ANTXR1: variants seen among roughly 807,000 people sequenced by gnomAD.
The protein encoded by ANTXR1 is ANTXR cell adhesion molecule 1.
Under a neutral mutation model 78.1 loss-of-function variants are expected in ANTXR1, and 19 were observed. The observed-to-expected ratio is 0.24, with a 90% CI of 0.17 to 0.36. The LOEUF is 0.36. ANTXR1 is among the 10% of genes least tolerant of loss of function. ANTXR1 has a pLI of 1.00. For synonymous variants in ANTXR1, 273 were observed against 260.5 expected, an observed-to-expected ratio of 1.05 and a Z score of -0.46; for missense variants, 518 against 718.6, an observed-to-expected ratio of 0.72 and a Z score of 3.19.
intron 8 of ANTXR1, among the ~76,000 whole-genome samples, chr2:69,086,198 C>T (rs970687222): frequency 1.6e-4 from 24 of 152,154 alleles, no homozygotes; most frequent in African/African-American, 5.3e-4. Flanking sequence ...AAAGAAATGC[C>T]GTGCCTATGA....
rs376359209 is a variant in ANTXR1 at position 69,090,876 on chromosome 2, C to T, written c.660C>T (p.Cys220=). 1 of 1,613,054 alleles carries T rather than the reference C, an allele frequency of 6.2e-7. No individual in the cohort carries two copies. Among genetic ancestry groups the T allele is most frequent in the Non-Finnish European group, 8.5e-7 (1 of 1,180,008 alleles). Residue 220 remains cysteine, a synonymous_variant, in exon 9 of 18, where the codon TGC becomes TGT. Coordinates refer to ENST00000303714, the MANE Select transcript of ANTXR1 (RefSeq NM_032208.3). Reference sequence around the variant, plus strand: ...CCTCCTAGATTTTGAAGAAGTCCTGCATCGAAATTCTAGCAGCTGAACCAT... The same window carrying T: ...CCTCCTAGATTTTGAAGAAGTCCTGTATCGAAATTCTAGCAGCTGAACCAT... ...GIIHSILKKS[C]IEILAAEPST...
intron 9 of ANTXR1, among the ~76,000 whole-genome samples, chr2:69,092,425 T>C (rs936714967): frequency 5.3e-5 from 8 of 152,258 alleles, no homozygotes; most frequent in Non-Finnish European, 1.0e-4. Flanking sequence ...TAACTAGTTA[T>C]GTACATACAT....
chr2:69,098,106 A>T (rs1671489045), intron 9 of ANTXR1, among the ~76,000 whole-genome samples: 1 of 152,162 alleles, frequency 6.6e-6, no homozygotes, highest in Admixed American at 6.5e-5. Flanking sequence ...GGCTGGGAGG[A>T]GAGATTACAA....
intron 10 of ANTXR1, among the ~76,000 whole-genome samples, chr2:69,121,947 A>T (rs1672360650): frequency 6.6e-6 from 1 of 152,206 alleles, no homozygotes; most frequent in African/African-American, 2.4e-5. Flanking sequence ...CATTAGAAGA[A>T]GCACAAGAAC....
chr2:69,065,228 A>G (rs1027513366), intron 3 of ANTXR1, among the ~76,000 whole-genome samples: 6 of 152,146 alleles, frequency 3.9e-5, no homozygotes, highest in Non-Finnish European at 8.8e-5. Flanking sequence ...GATCGAGACC[A>G]TCCTGGCTAA....
rs1047347207 is a variant in ANTXR1 at position 69,247,967 on chromosome 2, C to T, written c.*2482C>T. ...GGCTCAGCAGGATTTGTTCTTAAACCGACTCAGTGTGTCATCCCCGGTTAT... is the reference window on the plus strand; with the variant it reads ...GGCTCAGCAGGATTTGTTCTTAAACTGACTCAGTGTGTCATCCCCGGTTAT... On this transcript the variant is annotated 3_prime_UTR_variant, in exon 18 of 18. Transcript: ENST00000303714. 1 of 155,248 alleles carries T rather than the reference C, an allele frequency of 6.4e-6. No individual in the cohort carries two copies. Among genetic ancestry groups the T allele is most frequent in the East Asian group, 1.9e-4 (1 of 5,202 alleles). 9.6% of individuals were successfully genotyped at this position (155,248 alleles called of 1,614,324 possible).
At chr2:69,054,151 ATTT>A in intron 3 of ANTXR1, among the ~76,000 whole-genome samples, 1 of 147,034 alleles carries the variant, frequency 6.8e-6, no homozygotes, top group African/African-American at 2.7e-5. Context: ...TGAGAATTAC[ATTT>A]ATTATATGTA....
chr2:69,114,026 C>T (rs1490767618), intron 10 of ANTXR1, among the ~76,000 whole-genome samples: 2 of 152,174 alleles, frequency 1.3e-5, no homozygotes. Context: ...ACCCCATTAG[C>T]TTCATTTCAT....
chr2:69,064,100 A>C (rs939437678), intron 3 of ANTXR1, among the ~76,000 whole-genome samples: 9 of 152,208 alleles, frequency 5.9e-5, no homozygotes, highest in Admixed American at 2.0e-4. Context: ...ATATAAAATG[A>C]ACTAAAGATT....
chr2:69,077,286 G>A (rs1469849013), intron 7 of ANTXR1, 122 bp from the exon 8 acceptor site: 5 of 1,006,762 alleles, frequency 5.0e-6, no homozygotes, highest in South Asian at 2.6e-5. Flanking sequence ...CCCAGTGAAG[G>A]CCTCATATTC....
At chr2:69,223,364 C>T (rs1675367847) in intron 17 of ANTXR1, among the ~76,000 whole-genome samples, 1 of 152,206 alleles carries the variant, frequency 6.6e-6, no homozygotes. Context: ...CAGTCTTCCT[C>T]CCATTGTCTT....
At chr2:69,108,965 G>A (rs1048573657) in intron 10 of ANTXR1, among the ~76,000 whole-genome samples, 5 of 152,198 alleles carry the variant, frequency 3.3e-5, no homozygotes, top group Non-Finnish European at 5.9e-5. Context: ...TATAAAGCAA[G>A]TGTGAAGAGT....
intron 2 of ANTXR1, among the ~76,000 whole-genome samples, 166 bp downstream of exon 2, chr2:69,040,281 A>G (rs747746675): frequency 1.3e-5 from 2 of 152,240 alleles, no homozygotes; most frequent in Non-Finnish European, 2.9e-5. Context: ...CATCTTTGCC[A>G]CATTTTAGAA....
At chr2:69,030,971 C>A (rs928852944) in intron 1 of ANTXR1, among the ~76,000 whole-genome samples, 1 of 152,132 alleles carries the variant, frequency 6.6e-6, no homozygotes, top group Non-Finnish European at 1.5e-5. Context: ...TGGCCTGCAG[C>A]CTGTTTTTGT....
chr2:69,147,524 G>A (rs1673261665), intron 12 of ANTXR1, among the ~76,000 whole-genome samples: 1 of 152,214 alleles, frequency 6.6e-6, no homozygotes, highest in East Asian at 1.9e-4. Flanking sequence ...ACTGGGCCAT[G>A]TAAGTGAACT....
chr2:69,147,673 T>TG (rs954520653), intron 12 of ANTXR1, among the ~76,000 whole-genome samples: 7 of 152,250 alleles, frequency 4.6e-5, no homozygotes, highest in African/African-American at 1.7e-4. Context: ...GTGTGCATGT[T>TG]GGGGGTCAAG....
chr2:69,099,000 A>C (rs1671522306), intron 9 of ANTXR1, among the ~76,000 whole-genome samples: 1 of 83,404 alleles, frequency 1.2e-5, no homozygotes, highest in Non-Finnish European at 2.6e-5. Context: ...AATAAAGTAC[A>C]ATTCAGTGGT....
intron 10 of ANTXR1, among the ~76,000 whole-genome samples, chr2:69,112,106 G>A (rs1366921251): frequency 6.6e-6 from 1 of 152,200 alleles, no homozygotes; most frequent in Non-Finnish European, 1.5e-5. Flanking sequence ...GGAGCGTACA[G>A]TCTCATGTTC....
At chr2:69,216,733 C>T (rs1380272235) in intron 17 of ANTXR1, among the ~76,000 whole-genome samples, 1 of 152,200 alleles carries the variant, frequency 6.6e-6, no homozygotes, top group Non-Finnish European at 1.5e-5. Flanking sequence ...AACTCTTTGT[C>T]TATTCTGTAA....
Sources: gnomAD v4.1 joint callset for allele counts (sites outside exome capture counted in the v4.1 genomes callset) on GRCh38, gnomAD v4.1.1 for gene constraint, MANE v1.5 for transcripts, NCBI Gene and HGNC (gene_info 2026-07-23, HGNC 2026-07-21) for gene names.